The following CCDC178 variants were observed in gnomAD, a reference collection of about 807,000 sequenced individuals.
The protein encoded by CCDC178 is coiled-coil domain containing 178.
CCDC178 carries 126 observed loss-of-function variants against 117.4 expected under a neutral mutation model. The ratio of observed to expected loss-of-function variants is 1.07; its 90% CI spans 0.93 to 1.24. CCDC178 has a LOEUF of 1.24. Ranked by LOEUF, CCDC178 falls within the 50% of genes most tolerant of loss-of-function variation. The pLI is 0.00. For synonymous variants in CCDC178, 283 were observed against 313.4 expected (o/e 0.90, Z 1.02); for missense variants, 1,030 against 986.9 (o/e 1.04, Z -0.59).
chr18:33,089,396 G>A (rs979594574), intron 21 of CCDC178, among the ~76,000 whole-genome samples: 1 of 152,030 alleles, frequency 6.6e-6, no homozygotes, highest in Non-Finnish European at 1.5e-5. Context: ...CTTACATTGG[G>A]AGAGATGATA....
intron 21 of CCDC178, among the ~76,000 whole-genome samples, chr18:33,011,778 A>T (rs1294633811): frequency 6.6e-5 from 7 of 106,394 alleles, no homozygotes; most frequent in African/African-American, 2.6e-4. Context: ...AAAAAAAAAA[A>T]AAAAAAAAAA....
chr18:33,204,684 G>A (rs1401765048), intron 20 of CCDC178, among the ~76,000 whole-genome samples: 2 of 152,146 alleles, frequency 1.3e-5, no homozygotes, highest in Non-Finnish European at 2.9e-5. Context: ...CCCAAAATGT[G>A]TGGCTTGATC....
At chr18:33,400,889 A>G (rs1435469267) in intron 3 of CCDC178, among the ~76,000 whole-genome samples, 3 of 152,188 alleles carry the variant, frequency 2.0e-5, no homozygotes, top group Non-Finnish European at 4.4e-5. Flanking sequence ...ACTAAGTTTA[A>G]TCATTTCTAG....
chr18:33,059,935 A>G (rs532136479), intron 21 of CCDC178, among the ~76,000 whole-genome samples: 1 of 152,242 alleles, frequency 6.6e-6, no homozygotes, highest in South Asian at 2.1e-4. Context: ...GTAAGTCTCC[A>G]TGTCTTTGAC....
intron 21 of CCDC178, among the ~76,000 whole-genome samples, chr18:33,040,020 AC>A (rs1274295247): frequency 6.6e-6 from 1 of 151,942 alleles, no homozygotes; most frequent in Non-Finnish European, 1.5e-5. Flanking sequence ...AAAAAAATAC[AC>A]TTTTGGCAGA....
intron 21 of CCDC178, among the ~76,000 whole-genome samples, chr18:32,999,953 C>T (rs576919886): frequency 2.6e-5 from 4 of 152,052 alleles, no homozygotes; most frequent in Non-Finnish European, 5.9e-5. Flanking sequence ...TACCAAAGAA[C>T]ATCCATAAGA....
intron 3 of CCDC178, among the ~76,000 whole-genome samples, chr18:33,400,335 T>A (rs1238039104): frequency 6.6e-6 from 1 of 151,958 alleles, no homozygotes; most frequent in African/African-American, 2.4e-5. Flanking sequence ...CAGCTTGTCC[T>A]TTCAAGCTTT....
intron 21 of CCDC178, among the ~76,000 whole-genome samples, chr18:32,985,435 T>C: frequency 6.6e-6 from 1 of 151,984 alleles, no homozygotes; most frequent in Non-Finnish European, 1.5e-5. Flanking sequence ...TCTTAGCTTC[T>C]TGTTAGTGAT....
At chr18:33,143,021 T>C (rs911898652) in intron 20 of CCDC178, among the ~76,000 whole-genome samples, 2 of 152,124 alleles carry the variant, frequency 1.3e-5, no homozygotes, top group Non-Finnish European at 2.9e-5. Context: ...AATATCACTA[T>C]ATGCTTCCAC....
chr18:33,307,809 T>G (rs2062277938), intron 11 of CCDC178, among the ~76,000 whole-genome samples: 1 of 152,216 alleles, frequency 6.6e-6, no homozygotes, highest in Non-Finnish European at 1.5e-5. Flanking sequence ...GAATGTTGCT[T>G]CAGAGGGTGC....
chr18:33,316,115 C>T (rs1464380824), intron 11 of CCDC178, among the ~76,000 whole-genome samples: 2 of 152,182 alleles, frequency 1.3e-5, no homozygotes, highest in African/African-American at 2.4e-5. Flanking sequence ...AGCCTTGGCG[C>T]CCACTCTGGC....
intron 21 of CCDC178, among the ~76,000 whole-genome samples, chr18:33,022,009 A>G (rs948568909): frequency 6.6e-6 from 1 of 152,220 alleles, no homozygotes; most frequent in African/African-American, 2.4e-5. Context: ...AAATTGCAAC[A>G]TAGAAAATTC....
intron 21 of CCDC178, among the ~76,000 whole-genome samples, chr18:32,982,901 T>C (rs976173532): frequency 7.9e-5 from 12 of 152,130 alleles, no homozygotes; most frequent in African/African-American, 2.9e-4. Flanking sequence ...CATGCCATTA[T>C]ACGTTTGTCC....
chr18:32,951,383 C>G (rs1389602216), intron 22 of CCDC178, among the ~76,000 whole-genome samples: 13 of 152,042 alleles, frequency 8.6e-5, no homozygotes, highest in Non-Finnish European at 1.9e-4. Flanking sequence ...CTGGTGGGGC[C>G]TAAGGAGACT....
intron 20 of CCDC178, among the ~76,000 whole-genome samples, chr18:33,150,964 G>T (rs965034987): frequency 3.3e-5 from 5 of 152,174 alleles, no homozygotes; most frequent in Non-Finnish European, 5.9e-5. Flanking sequence ...GGATGGAGTT[G>T]GAGGCCATTA....
chr18:33,315,003 T>C (rs1170572557), intron 11 of CCDC178, among the ~76,000 whole-genome samples: 1 of 152,162 alleles, frequency 6.6e-6, no homozygotes, highest in Non-Finnish European at 1.5e-5. Context: ...AAATGTTTAA[T>C]GGTTTCCTGT....
chr18:33,032,943 G>T (rs899301591), intron 21 of CCDC178, among the ~76,000 whole-genome samples: 1 of 151,956 alleles, frequency 6.6e-6, no homozygotes. Context: ...GGGTAAATTT[G>T]ATCATATTGA....
intron 14 of CCDC178, among the ~76,000 whole-genome samples, chr18:33,255,740 G>A (rs1041866678): frequency 1.3e-5 from 2 of 151,880 alleles, no homozygotes; most frequent in Admixed American, 6.6e-5. Context: ...AGGGGACCAG[G>A]CAAAATTTCT....
chr18:33,092,876 C>T lies in CCDC178; in HGVS notation c.2273G>A (p.Arg758His), dbSNP rs62090751. ...TAGCTGTTGATACTCTTGAGCTAAA[C>T]GCAGATTTTCTTCAAGTGAATCAGC... ...IIADSLEENL[R>H]LAQEYQQLQI... is the part of the protein sequence containing the mutation. The change falls in exon 21 of 23, where the codon CGT (arginine) becomes CAT (histidine). Residue 758 changes from arginine (R) to histidine (H), a missense_variant. Transcript: ENST00000383096. 7.5e-4 allele frequency: 1,170 copies of T among 1,568,344 alleles called. 8 individuals are homozygous for T. The highest frequency in any genetic ancestry group is 7.8e-4 in the Non-Finnish European group (906 of 1,160,046).
Sources: gnomAD v4.1 joint callset for allele counts (sites outside exome capture counted in the v4.1 genomes callset) on GRCh38, gnomAD v4.1.1 for gene constraint, MANE v1.5 for transcripts, NCBI Gene and HGNC (gene_info 2026-07-23, HGNC 2026-07-21) for gene names.